The following VEZT variants were observed in gnomAD, a reference collection of about 807,000 sequenced individuals.
VEZT encodes vezatin.
VEZT carries 39 observed loss-of-function variants against 79.9 expected under a neutral mutation model. The observed-to-expected ratio is 0.49, with a 90% CI of 0.38 to 0.64. VEZT has a LOEUF of 0.64. Ranked by LOEUF, VEZT falls within the 30% of genes least tolerant of loss-of-function variation. The pLI is 0.00. For synonymous variants in VEZT, 325 were observed against 327.6 expected (o/e 0.99, Z 0.09); for missense variants, 837 against 893.1 (o/e 0.94, Z 0.80).
chr12:95,247,242 C>T lies in VEZT; in HGVS notation c.37-4698C>T, dbSNP rs78015070. On this transcript the variant is annotated intron_variant, in intron 1 of 11. Transcript: ENST00000436874. ...TTTGAAACTATTACTTGTTTCGGTA[C>T]GGCTATTCTTCTTTGATACTACAAT... 5.5e-3 allele frequency among the ~76,000 whole-genome samples: 837 copies of T among 152,256 alleles called. 39 individuals are homozygous for T. In the East Asian group the frequency reaches 0.14, roughly 25 times the overall value.
chr12:95,232,497 G>T (rs560045602), intron 1 of VEZT, among the ~76,000 whole-genome samples: 8 of 152,270 alleles, frequency 5.3e-5, no homozygotes, highest in Admixed American at 3.9e-4. Flanking sequence ...CATATAGGTG[G>T]GAAGTCTGTG....
At chr12:95,234,711 A>ACC (rs2059774064) in intron 1 of VEZT, among the ~76,000 whole-genome samples, 1 of 150,568 alleles carries the variant, frequency 6.6e-6, no homozygotes, top group Admixed American at 6.6e-5. Flanking sequence ...CTTGGGTGTG[A>ACC]TTTGGCAGGG....
chr12:95,273,273 T>A (rs2066998318), intron 6 of VEZT, among the ~76,000 whole-genome samples: 1 of 152,234 alleles, frequency 6.6e-6, no homozygotes, highest in Non-Finnish European at 1.5e-5. Context: ...GATTGGTATT[T>A]ATTGTATCCT....
At chr12:95,276,050 AG>A (rs1342970588) in intron 7 of VEZT, among the ~76,000 whole-genome samples, 3 of 152,108 alleles carry the variant, frequency 2.0e-5, no homozygotes, top group African/African-American at 7.2e-5. Flanking sequence ...CAATGGTGAA[AG>A]TATAAACTGG....
At chr12:95,281,902 T>C (rs1448950755) in intron 7 of VEZT, among the ~76,000 whole-genome samples, 1 of 152,068 alleles carries the variant, frequency 6.6e-6, no homozygotes, top group Non-Finnish European at 1.5e-5. Flanking sequence ...AAACCCAAGC[T>C]TTTGATCCAT....
chr12:95,280,775 G>A (rs1213022688), intron 7 of VEZT, among the ~76,000 whole-genome samples: 1 of 152,096 alleles, frequency 6.6e-6, no homozygotes, highest in Non-Finnish European at 1.5e-5. Flanking sequence ...CATCATGGGT[G>A]CTCAAGAAAT....
At chr12:95,276,259 C>CTTTTTTTTTTTTTTTTTTTTTTTTTTTTT (rs35034660) in intron 7 of VEZT, among the ~76,000 whole-genome samples, 1 of 75,156 alleles carries the variant, frequency 1.3e-5, no homozygotes, top group African/African-American at 5.6e-5. Context: ...TAATTTTTTT[C>CTTTTTTTTTTTTTTTTTTTTTTTTTTTTT]TTTTTTTTTT....
chr12:95,296,374 A>G, intron 11 of VEZT, 116 bp downstream of exon 11: 1 of 907,016 alleles, frequency 1.1e-6, no homozygotes, highest in Non-Finnish European at 1.6e-6. Context: ...GTCCACCAGT[A>G]TGCATAGTAC....
intron 1 of VEZT, chr12:95,243,832 C>A: frequency 2.5e-6 from 1 of 394,462 alleles, no homozygotes. Context: ...CTCTTGGGAA[C>A]TGATTAATTC....
intron 1 of VEZT, chr12:95,224,318 C>CTTTT: frequency 4.9e-6 from 2 of 409,034 alleles, no homozygotes; most frequent in South Asian, 1.8e-5. Flanking sequence ...AAAGCCACAA[C>CTTTT]TTTTTTTTTT....
intron 4 of VEZT, among the ~76,000 whole-genome samples, chr12:95,265,295 G>A (rs1467434771): frequency 2.0e-5 from 3 of 151,844 alleles, no homozygotes; most frequent in Non-Finnish European, 2.9e-5. Flanking sequence ...TAGTATAAAA[G>A]TACAAACCTT....
At chr12:95,270,326 G>A in intron 6 of VEZT, 138 bp downstream of exon 6, 1 of 892,866 alleles carries the variant, frequency 1.1e-6, no homozygotes, top group Non-Finnish European at 1.6e-6. Context: ...TCAATTCTAT[G>A]TTAAAACTGG....
At chr12:95,235,163 A>G (rs1186863375) in intron 1 of VEZT, among the ~76,000 whole-genome samples, 43 of 151,914 alleles carry the variant, frequency 2.8e-4, no homozygotes, top group African/African-American at 9.9e-4. Context: ...GTTCTCAACG[A>G]GCTGTTGGGT....
Position 95,266,294 on chromosome 12 carries a change from A to G in VEZT, c.435-63A>G, listed in dbSNP as rs535654803. On this transcript the variant is annotated intron_variant, in intron 4 of 11. Transcript: ENST00000436874. ...AATTTAAATTTTGTTTTTACTGATT[A>G]AAGTAATTCATCTTTCTTTCTCTAA... 119 of 1,508,562 alleles carry G rather than the reference A, an allele frequency of 7.9e-5. 1 individual carries two copies. The South Asian group carries it at 1.4e-3, about 18-fold the overall frequency. 93.4% of individuals were successfully genotyped at this position (1,508,562 alleles called of 1,614,324 possible). A position where few individuals can be genotyped will look rare whatever the true frequency, so the allele number is the denominator to read the frequency against.
chr12:95,299,407 G>T (rs1220167580), intron 11 of VEZT: 1 of 152,454 alleles, frequency 6.6e-6, no homozygotes, highest in Non-Finnish European at 1.5e-5. Flanking sequence ...TCCTTGCAAG[G>T]ACAACTTCTA....
In VEZT at chr12:95,241,544, C is replaced by G. The variant is rs551204483; in HGVS notation, c.37-10396C>G. 3.3e-5 allele frequency among the ~76,000 whole-genome samples: 5 copies of G among 152,060 alleles called. 1 individual carries two copies. The highest frequency in any genetic ancestry group is 1.2e-4 in the African/African-American group (5 of 41,470). On this transcript the variant is annotated intron_variant, in intron 1 of 11. Transcript: ENST00000436874. Reference sequence around the variant, plus strand: ...ATAGTCTCAAACGCCTGGCCTCAAGCAATTCCTCCTGCCTTGGCCTCCCAA... The same window carrying G: ...ATAGTCTCAAACGCCTGGCCTCAAGGAATTCCTCCTGCCTTGGCCTCCCAA...
At chr12:95,290,806 A>G (rs1462981335) in intron 9 of VEZT, 5 of 152,130 alleles carry the variant, frequency 3.3e-5, no homozygotes, top group Admixed American at 6.5e-5. Flanking sequence ...TTTATATAGA[A>G]TTTATATAAA....
At chr12:95,236,964 C>T (rs539859239) in intron 1 of VEZT, among the ~76,000 whole-genome samples, 1 of 152,270 alleles carries the variant, frequency 6.6e-6, no homozygotes, top group South Asian at 2.1e-4. Context: ...TAGATATTAT[C>T]AGGAGAATAA....
intron 4 of VEZT, among the ~76,000 whole-genome samples, chr12:95,264,312 A>G (rs1253731419): frequency 1.3e-5 from 2 of 152,230 alleles, no homozygotes; most frequent in Non-Finnish European, 2.9e-5. Context: ...TCAAGCAACT[A>G]TGAGACCTAT....
Sources: allele counts gnomAD v4.1 joint callset (sites outside exome capture counted in the v4.1 genomes callset), GRCh38; gene constraint gnomAD v4.1.1; transcripts MANE v1.5; gene names NCBI Gene and HGNC (gene_info 2026-07-23, HGNC 2026-07-21).